Variants in SLC39A11 observed in about 807,000 individuals in gnomAD.
SLC39A11 encodes solute carrier family 39 member 11.
Under a neutral mutation model 36.1 loss-of-function variants are expected in SLC39A11, and 33 were observed. The ratio of observed to expected loss-of-function variants is 0.91; its 90% CI spans 0.69 to 1.22. The LOEUF (loss-of-function observed/expected upper bound fraction) is 1.22, where lower values mean the gene tolerates loss of function less well. Ranked by LOEUF, SLC39A11 falls within the 50% of genes most tolerant of loss-of-function variation. SLC39A11 has a pLI of 0.00. For missense variants in SLC39A11, 432 were observed against 430.3 expected (o/e 1.00, Z -0.03); for synonymous variants, 166 against 170.3 (o/e 0.97, Z 0.20).
chr17:72,866,874 T>C (rs536701955), intron 5 of SLC39A11, among the ~76,000 whole-genome samples: 2 of 152,286 alleles, frequency 1.3e-5, no homozygotes, highest in South Asian at 4.1e-4. Context: ...CTAAAGCCCC[T>C]CACAGATCCT....
rs137904074 is a variant in SLC39A11 at position 72,929,863 on chromosome 17, A to G, written c.430+17889T>C. ...GAAAACAGGGCACATCGCTGTGTTA[A>G]ATGTATGGTACTGAAGAGTTTCCTC... On this transcript the variant is annotated intron_variant, in intron 5 of 9. Transcript: ENST00000255559. Among the ~76,000 whole-genome samples, 3 of 152,290 alleles carry G rather than the reference A, an allele frequency of 2.0e-5. No homozygotes were observed. The East Asian group carries it at 5.8e-4, about 29-fold the overall frequency.
At chr17:72,842,500 A>G (rs906305757) in intron 6 of SLC39A11, among the ~76,000 whole-genome samples, 7 of 152,204 alleles carry the variant, frequency 4.6e-5, no homozygotes, top group Admixed American at 1.3e-4. Context: ...TGAGACCATA[A>G]GGTACTCATG....
chr17:72,769,821 C>T lies in SLC39A11; in HGVS notation c.602-33102G>A, dbSNP rs560597787. On this transcript the variant is annotated intron_variant, in intron 6 of 9. Transcript: ENST00000255559. ...GCCTCCCAAAGTGCTGGGATTACAC[C>T]GAGCCTGGCCATTAGAGGCATATCT... is the stretch of plus-strand genomic sequence containing the variant. Among the ~76,000 whole-genome samples the T allele has an allele frequency of 6.0e-4, 92 of 152,172 alleles. 1 individual carries two copies. In the South Asian group the frequency reaches 0.011, roughly 19 times the overall value.
chr17:72,897,618 T>C (rs189790922), intron 5 of SLC39A11, among the ~76,000 whole-genome samples: 13 of 152,284 alleles, frequency 8.5e-5, no homozygotes, highest in Admixed American at 5.2e-4. Context: ...TCTAATATCA[T>C]GGTGATGTCA....
At chr17:72,968,796 C>T (rs536927338) in intron 4 of SLC39A11, among the ~76,000 whole-genome samples, 29 of 152,336 alleles carry the variant, frequency 1.9e-4, no homozygotes, top group Admixed American at 5.2e-4. Flanking sequence ...GTTCTACACA[C>T]GTGCGGACGA....
At chr17:72,808,318 T>C (rs2077326460) in intron 6 of SLC39A11, among the ~76,000 whole-genome samples, 1 of 152,234 alleles carries the variant, frequency 6.6e-6, no homozygotes, top group South Asian at 2.1e-4. Flanking sequence ...AAGCTTGACA[T>C]GGCAGACTCC....
At chr17:72,980,298 G>A (rs1384300209) in intron 4 of SLC39A11, among the ~76,000 whole-genome samples, 1 of 152,132 alleles carries the variant, frequency 6.6e-6, no homozygotes, top group Non-Finnish European at 1.5e-5. Flanking sequence ...GACCCCGTCT[G>A]TAATACTCAT....
intron 5 of SLC39A11, among the ~76,000 whole-genome samples, chr17:72,904,193 G>A (rs889194958): frequency 2.0e-5 from 3 of 152,178 alleles, no homozygotes; most frequent in Non-Finnish European, 4.4e-5. Context: ...AGCTACTTGG[G>A]AGGCTGAGGA....
intron 5 of SLC39A11, among the ~76,000 whole-genome samples, chr17:72,932,591 C>T (rs554306161): frequency 2.0e-5 from 3 of 152,126 alleles, no homozygotes; most frequent in East Asian, 1.9e-4. Context: ...AGAATCCACA[C>T]CTGAACCAAA....
chr17:72,914,822 G>A (rs1482263266), intron 5 of SLC39A11, among the ~76,000 whole-genome samples: 2 of 144,342 alleles, frequency 1.4e-5, no homozygotes, highest in African/African-American at 2.5e-5. Flanking sequence ...GAGCTGAGAT[G>A]GCACCACTGC....
chr17:72,910,017 G>A (rs1001272753), intron 5 of SLC39A11, among the ~76,000 whole-genome samples: 5 of 151,962 alleles, frequency 3.3e-5, no homozygotes, highest in Non-Finnish European at 5.9e-5. Flanking sequence ...CTCCCAAAGT[G>A]TTGGGATTAC....
chr17:72,731,880 C>G (rs959646707), intron 7 of SLC39A11, among the ~76,000 whole-genome samples: 1 of 151,878 alleles, frequency 6.6e-6, no homozygotes, highest in African/African-American at 2.4e-5. Context: ...TGCCCACCAT[C>G]ACGCCTGGCT....
intron 6 of SLC39A11, among the ~76,000 whole-genome samples, chr17:72,773,293 C>T (rs1377429893): frequency 1.3e-5 from 2 of 152,006 alleles, no homozygotes; most frequent in East Asian, 3.9e-4. Context: ...GTGTCCCCAC[C>T]CAAATCTCAT....
At chr17:72,769,001 C>A (rs1290099775) in intron 6 of SLC39A11, among the ~76,000 whole-genome samples, 1 of 152,158 alleles carries the variant, frequency 6.6e-6, no homozygotes, top group Non-Finnish European at 1.5e-5. Flanking sequence ...ACCTCATGAT[C>A]CACCCACTTC....
chr17:72,708,993 T>C (rs2073007230), intron 7 of SLC39A11, among the ~76,000 whole-genome samples: 1 of 151,706 alleles, frequency 6.6e-6, no homozygotes, highest in Non-Finnish European at 1.5e-5. Flanking sequence ...TGGAGTGCAG[T>C]GACGCGATCT....
At chr17:73,074,716 T>G (rs981582669) in intron 3 of SLC39A11, among the ~76,000 whole-genome samples, 2 of 152,152 alleles carry the variant, frequency 1.3e-5, no homozygotes, top group African/African-American at 4.8e-5. Context: ...CTTCCAACAG[T>G]GAGCCAGTTA....
At chr17:72,825,612 C>T (rs1268777753) in intron 6 of SLC39A11, among the ~76,000 whole-genome samples, 2 of 152,218 alleles carry the variant, frequency 1.3e-5, no homozygotes, top group African/African-American at 4.8e-5. Context: ...GCCATAGGCA[C>T]TCAACATGAG....
At chr17:73,083,052 G>C (rs962084698) in intron 3 of SLC39A11, among the ~76,000 whole-genome samples, 2 of 146,702 alleles carry the variant, frequency 1.4e-5, no homozygotes, top group Non-Finnish European at 3.0e-5. Context: ...TATGCCCAGT[G>C]ATTAGAGACA....
chr17:72,953,786 C>T (rs1328464078), intron 4 of SLC39A11, among the ~76,000 whole-genome samples: 1 of 152,230 alleles, frequency 6.6e-6, no homozygotes, highest in Non-Finnish European at 1.5e-5. Context: ...CCCATCACCT[C>T]CTTTCTGGCT....
Sources: gnomAD v4.1 joint callset for allele counts (sites outside exome capture counted in the v4.1 genomes callset) on GRCh38, gnomAD v4.1.1 for gene constraint, MANE v1.5 for transcripts, NCBI Gene and HGNC (gene_info 2026-07-23, HGNC 2026-07-21) for gene names.